The following PARD3B variants were observed in gnomAD, a reference collection of about 807,000 sequenced individuals.
PARD3B encodes the protein partitioning defective 3 homolog B.
PARD3B carries 103 observed loss-of-function variants against 130.2 expected under a neutral mutation model. The observed-to-expected ratio is 0.79, with a 90% CI of 0.67 to 0.93. The LOEUF is 0.93. PARD3B is among the 40% of genes least tolerant of loss of function. The probability of loss-of-function intolerance (pLI) is 0.00; values close to 1 mark genes in which losing one functional copy is unlikely to be tolerated. For synonymous variants in PARD3B, 583 were observed against 553.2 expected, an observed-to-expected ratio of 1.05 and a Z score of -0.76; for missense variants, 1,609 against 1,499.2, an observed-to-expected ratio of 1.07 and a Z score of -1.21.
chr2:205,434,646 G>A (rs969164890), intron 19 of PARD3B, among the ~76,000 whole-genome samples: 10 of 152,056 alleles, frequency 6.6e-5, no homozygotes, highest in African/African-American at 2.4e-4. Flanking sequence ...GAGAAAACTA[G>A]AGTTAAATAT....
At chr2:205,117,311 C>T (rs770787814) in intron 6 of PARD3B, among the ~76,000 whole-genome samples, 1 of 151,102 alleles carries the variant, frequency 6.6e-6, no homozygotes, top group Non-Finnish European at 1.5e-5. Context: ...ACCACAAGAC[C>T]CCACTGCACA....
intron 18 of PARD3B, among the ~76,000 whole-genome samples, chr2:205,331,588 G>T (rs1321221658): frequency 6.6e-6 from 1 of 151,404 alleles, no homozygotes; most frequent in Non-Finnish European, 1.5e-5. Context: ...TCGAGACCAG[G>T]CTGGCCAACA....
At chr2:205,318,337 C>T (rs775951902) in intron 18 of PARD3B, among the ~76,000 whole-genome samples, 12 of 152,134 alleles carry the variant, frequency 7.9e-5, no homozygotes, top group Non-Finnish European at 1.5e-4. Context: ...TGACCAATTT[C>T]CTAGACCTTT....
chr2:205,157,073 C>CT (rs2034217545), intron 10 of PARD3B, among the ~76,000 whole-genome samples: 1 of 152,140 alleles, frequency 6.6e-6, no homozygotes, highest in Non-Finnish European at 1.5e-5. Flanking sequence ...TAGTTTTTCT[C>CT]TTGAAATGGT....
intron 15 of PARD3B, among the ~76,000 whole-genome samples, chr2:205,203,614 C>G (rs1013978485): frequency 6.6e-6 from 1 of 152,090 alleles, no homozygotes; most frequent in African/African-American, 2.4e-5. Flanking sequence ...GCTCCCACCC[C>G]CCAACAGGCC....
chr2:204,577,391 A>G (rs2032318921), intron 1 of PARD3B, among the ~76,000 whole-genome samples: 2 of 152,188 alleles, frequency 1.3e-5, no homozygotes, highest in Non-Finnish European at 2.9e-5. Context: ...TTAGAGGTTT[A>G]GTACCTAGCC....
At chr2:204,573,679 G>A (rs560446133) in intron 1 of PARD3B, among the ~76,000 whole-genome samples, 1 of 152,306 alleles carries the variant, frequency 6.6e-6, no homozygotes, top group South Asian at 2.1e-4. Context: ...TACCATCAGA[G>A]TGTCCCCGAT....
chr2:204,699,158 C>A (rs190339712), intron 2 of PARD3B, among the ~76,000 whole-genome samples: 9 of 152,066 alleles, frequency 5.9e-5, no homozygotes, highest in Admixed American at 3.3e-4. Flanking sequence ...ACTCTTTACC[C>A]AAGTTATAAA....
chr2:205,076,648 G>A (rs1394687761), intron 4 of PARD3B, among the ~76,000 whole-genome samples: 8 of 152,162 alleles, frequency 5.3e-5, no homozygotes, highest in South Asian at 4.1e-4. Flanking sequence ...ATCAGTGGCA[G>A]CATTAGGTTC....
At chr2:205,203,769 A>G (rs1176651811) in intron 15 of PARD3B, among the ~76,000 whole-genome samples, 1 of 152,234 alleles carries the variant, frequency 6.6e-6, no homozygotes, top group Non-Finnish European at 1.5e-5. Context: ...ATGTCCCTGC[A>G]AAGTTCATGA....
At chr2:204,796,475 T>C (rs1435961454) in intron 2 of PARD3B, among the ~76,000 whole-genome samples, 2 of 152,218 alleles carry the variant, frequency 1.3e-5, no homozygotes, top group African/African-American at 4.8e-5. Context: ...GGCAAAGAAG[T>C]TGTTTCAAAG....
At chr2:205,513,201 A>G (rs1242994429) in intron 21 of PARD3B, among the ~76,000 whole-genome samples, 1 of 152,130 alleles carries the variant, frequency 6.6e-6, no homozygotes, top group South Asian at 2.1e-4. Flanking sequence ...TTAAAGTAGT[A>G]CTTGAATTGA....
At chr2:205,093,806 G>A (rs1252917617) in intron 4 of PARD3B, among the ~76,000 whole-genome samples, 1 of 152,102 alleles carries the variant, frequency 6.6e-6, no homozygotes, top group Non-Finnish European at 1.5e-5. Flanking sequence ...GAAATGCATG[G>A]TGGTTTCCTT....
intron 22 of PARD3B, among the ~76,000 whole-genome samples, chr2:205,605,344 A>T (rs551673087): frequency 1.3e-5 from 2 of 152,206 alleles, no homozygotes; most frequent in Admixed American, 1.3e-4. Flanking sequence ...TCTCATCTTC[A>T]TGAGTTTATC....
chr2:205,283,606 G>A (rs975664445), intron 16 of PARD3B, among the ~76,000 whole-genome samples: 1 of 152,076 alleles, frequency 6.6e-6, no homozygotes, highest in Non-Finnish European at 1.5e-5. Context: ...AATCAAAATG[G>A]ACCTGAACAC....
intron 22 of PARD3B, among the ~76,000 whole-genome samples, chr2:205,594,501 A>T (rs1024984147): frequency 9.9e-5 from 15 of 152,134 alleles, no homozygotes; most frequent in Admixed American, 9.2e-4. Flanking sequence ...GGACCATGTG[A>T]ATAAACCCAA....
chr2:205,393,238 A>G (rs921876154), intron 18 of PARD3B, among the ~76,000 whole-genome samples: 1 of 152,206 alleles, frequency 6.6e-6, no homozygotes, highest in Non-Finnish European at 1.5e-5. Flanking sequence ...AACTATGGAA[A>G]TAATAGTAAA....
rs1204326824 is a variant in PARD3B at position 205,581,409 on chromosome 2, GTATATATAAATATATAAA to G, written c.3260+28023_3260+28040del. Among the ~76,000 whole-genome samples, 384 of 80,320 alleles carry G rather than the reference GTATATATAAATATATAAA, an allele frequency of 4.8e-3. 1 individual carries two copies. The highest frequency in any genetic ancestry group is 8.9e-3 in the Non-Finnish European group (300 of 33,632). 52.7% of individuals were successfully genotyped at this position (80,320 alleles called of 152,430 possible). A position where few individuals can be genotyped will look rare whatever the true frequency, so the allele number is the denominator to read the frequency against. On this transcript the variant is annotated intron_variant, in intron 22 of 22. Transcript: ENST00000406610. Reference sequence around the variant, plus strand: ...TAAATATATATAAATATATATATAAGTATATATAAATATATAAATATATATAAATATATATAAATATAT... The same window carrying G: ...TAAATATATATAAATATATATATAAGTATATATAAATATATATAAATATAT...
At chr2:204,807,086 A>T (rs556107447) in intron 2 of PARD3B, among the ~76,000 whole-genome samples, 1 of 152,260 alleles carries the variant, frequency 6.6e-6, no homozygotes, top group East Asian at 1.9e-4. Flanking sequence ...GTGCAGGGGA[A>T]CTGCCCTTTA....
Sources: gnomAD v4.1 joint callset for allele counts (sites outside exome capture counted in the v4.1 genomes callset) on GRCh38, gnomAD v4.1.1 for gene constraint, MANE v1.5 for transcripts, NCBI Gene and HGNC (gene_info 2026-07-23, HGNC 2026-07-21) for gene names.